CCDC57: variants seen among roughly 807,000 people sequenced by gnomAD.
The protein encoded by CCDC57 is coiled-coil domain-containing protein 57.
A neutral mutation model predicts 118.9 loss-of-function variants in CCDC57; 118 were observed. That is an observed-to-expected ratio of 0.99 (90% confidence interval 0.86 to 1.16). The LOEUF is 1.16. Among genes scored for constraint, CCDC57 ranks in the 50% most tolerant of loss-of-function variants. CCDC57 has a pLI of 0.00. For synonymous variants in CCDC57, 527 were observed against 532.9 expected, an observed-to-expected ratio of 0.99 and a Z score of 0.15; for missense variants, 1,300 against 1,320.7, an observed-to-expected ratio of 0.98 and a Z score of 0.24.
exon 5 of CCDC57, chr17:82,195,330 T>C (rs1375833473): frequency 4.4e-6 from 7 of 1,600,020 alleles, no homozygotes; most frequent in African/African-American, 1.3e-5. Context: ...GTGCTCCCTC[T>C]TCCGCATTTT....
rs192746855 is a variant in CCDC57 at position 82,177,502 on chromosome 17, T to C, written c.1506+972A>G. ...GGAGGAGATTGCAGTGAGCTGAGAT[T>C]GCACCATTGCACTTCAGCCTGGGCA... On this transcript the variant is annotated intron_variant, in intron 11 of 19. Transcript: ENST00000665763. Among the ~76,000 whole-genome samples the C allele has an allele frequency of 2.0e-3, 304 of 152,246 alleles. 1 individual carries two copies. Among genetic ancestry groups the C allele is most frequent in the African/African-American group, 7.1e-3 (294 of 41,540 alleles).
intron 17 of CCDC57, among the ~76,000 whole-genome samples, chr17:82,129,126 C>A (rs551202831): frequency 3.3e-4 from 50 of 152,224 alleles, no homozygotes; most frequent in Non-Finnish European, 6.3e-4. Flanking sequence ...ACCATATTAG[C>A]CAGGCTGGTC....
At chr17:82,152,380 G>A (rs925980450) in intron 15 of CCDC57, 3 of 155,212 alleles carry the variant, frequency 1.9e-5, no homozygotes, top group South Asian at 4.0e-4. Flanking sequence ...TGAAGCAGGT[G>A]CAGGGGGAGC....
intron 16 of CCDC57, among the ~76,000 whole-genome samples, chr17:82,137,012 A>AC (rs1412219897): frequency 4.3e-5 from 5 of 116,714 alleles, no homozygotes; most frequent in Non-Finnish European, 8.5e-5. Context: ...TTGGTGTACT[A>AC]CTTTTTTTTT....
chr17:82,207,345 A>C (rs958722434), intron 2 of CCDC57, among the ~76,000 whole-genome samples: 1 of 152,244 alleles, frequency 6.6e-6, no homozygotes, highest in South Asian at 2.1e-4. Context: ...AAATAAAAAA[A>C]AAAAAACAAA....
chr17:82,123,429 T>C (rs2037009180), intron 19 of CCDC57, among the ~76,000 whole-genome samples: 2 of 151,654 alleles, frequency 1.3e-5, no homozygotes, highest in Admixed American at 6.6e-5. Flanking sequence ...GCCCGGCCTA[T>C]AGCAATTTTC....
In CCDC57 at chr17:82,129,669, T is replaced by C. The variant is rs548268079; in HGVS notation, c.2578-1072A>G. On this transcript the variant is annotated intron_variant, in intron 17 of 19. Transcript: ENST00000665763. ...CCTTCTGATCAGACCCTTTGCCTGT[T>C]TGTCACAGGGTGATTTGTCTTTTTC... 5.9e-5 allele frequency among the ~76,000 whole-genome samples: 9 copies of C among 152,340 alleles called. No homozygotes were observed. The South Asian group carries it at 1.2e-3, about 21-fold the overall frequency.
At chr17:82,113,245 C>A in intron 19 of CCDC57, 1 of 614,470 alleles carries the variant, frequency 1.6e-6, no homozygotes, top group South Asian at 2.0e-5. Context: ...GTTGTCCGTG[C>A]CATTCAGGGC....
At chr17:82,176,914 T>G (rs995550299) in intron 11 of CCDC57, among the ~76,000 whole-genome samples, 2 of 151,542 alleles carry the variant, frequency 1.3e-5, no homozygotes, top group African/African-American at 2.4e-5. Context: ...TATCCCTAGG[T>G]AAGTAACTGA....
intron 3 of CCDC57, 101 bp from the exon 3 acceptor site, chr17:82,198,523 T>C: frequency 1.2e-6 from 1 of 804,820 alleles, no homozygotes. Flanking sequence ...GTGCTTTGCT[T>C]TTATGAAGGG....
At chr17:82,175,278 G>A (rs2045323274) in intron 11 of CCDC57, among the ~76,000 whole-genome samples, 1 of 152,270 alleles carries the variant, frequency 6.6e-6, no homozygotes, top group South Asian at 2.1e-4. Flanking sequence ...GTGCCCAGAG[G>A]CTTACCAGGC....
chr17:82,111,374 GC>G lies in CCDC57; in HGVS notation c.2900-9509del, dbSNP rs1317084019. The stretch of plus-strand genomic sequence containing the variant: ...ACCTTGGCCTCTCAAAGTGCCTAGG[GC>G]CCTTTTTTTTTTTTTTTTTTTGAGA... On this transcript the variant is annotated intron_variant, in intron 19 of 19. Transcript: ENST00000665763. 6.0e-4 allele frequency among the ~76,000 whole-genome samples: 86 copies of G among 143,124 alleles called. 1 individual carries two copies. The highest frequency in any genetic ancestry group is 2.2e-3 in the African/African-American group (84 of 37,350). The allele number at this position is 143,124 out of a possible 152,430, so 93.9% of individuals were successfully genotyped here. A position where few individuals can be genotyped will look rare whatever the true frequency, so the allele number is the denominator to read the frequency against.
intron 15 of CCDC57, chr17:82,153,820 T>C (rs2042351865): frequency 6.6e-6 from 1 of 152,290 alleles, no homozygotes; most frequent in East Asian, 1.9e-4. Context: ...GAGGAGGAGA[T>C]GTCTCCAAGT....
chr17:82,104,154 C>T (rs1004594556), intron 19 of CCDC57, among the ~76,000 whole-genome samples: 3 of 152,252 alleles, frequency 2.0e-5, no homozygotes, highest in African/African-American at 7.2e-5. Context: ...TAAAAACGCT[C>T]TTGGCCTCCA....
At chr17:82,158,082 T>C (rs1335419016) in intron 14 of CCDC57, 134 bp from the exon 14 acceptor site, 5 of 1,442,448 alleles carry the variant, frequency 3.5e-6, no homozygotes, top group South Asian at 2.9e-5. Flanking sequence ...CCTCCCCAGC[T>C]GGATGCAACT....
intron 17 of CCDC57, among the ~76,000 whole-genome samples, chr17:82,133,388 AAAG>A (rs1243580690): frequency 1.3e-5 from 2 of 150,114 alleles, no homozygotes; most frequent in Non-Finnish European, 3.0e-5. Context: ...GACAAAAAAA[AAAG>A]AAGTTTTTGG....
At chr17:82,149,321 G>A (rs2041527391) in intron 16 of CCDC57, among the ~76,000 whole-genome samples, 1 of 151,914 alleles carries the variant, frequency 6.6e-6, no homozygotes, top group Non-Finnish European at 1.5e-5. Flanking sequence ...TGGATAGGTA[G>A]GTGGGTGGAT....
chr17:82,140,298 T>C (rs534333931), intron 16 of CCDC57, among the ~76,000 whole-genome samples: 12 of 152,202 alleles, frequency 7.9e-5, no homozygotes, highest in Middle Eastern at 3.4e-3. Context: ...ATGTTAGCCA[T>C]GGTGGTCTCA....
intron 9 of CCDC57, among the ~76,000 whole-genome samples, chr17:82,182,774 C>G (rs972332812): frequency 1.3e-5 from 2 of 152,186 alleles, no homozygotes; most frequent in African/African-American, 4.8e-5. Flanking sequence ...AAACCTCCGC[C>G]TCCTGGGTTC....
Sources: gnomAD v4.1 joint callset for allele counts (sites outside exome capture counted in the v4.1 genomes callset) on GRCh38, gnomAD v4.1.1 for gene constraint, MANE v1.5 for transcripts, NCBI Gene and HGNC (gene_info 2026-07-23, HGNC 2026-07-21) for gene names.